The following PRTG variants were observed in gnomAD, a reference collection of about 807,000 sequenced individuals.
PRTG encodes the protein protogenin, also known as immunoglobulin superfamily, DCC subclass, member 5.
In PRTG, 67 loss-of-function variants were observed where a neutral mutation model predicts 122.5. That is an observed-to-expected ratio of 0.55 (90% CI 0.45 to 0.67). PRTG has a LOEUF of 0.67. PRTG is among the 30% of genes least tolerant of loss of function. PRTG has a pLI of 0.00. For synonymous variants in PRTG, 554 were observed against 501.1 expected, an observed-to-expected ratio of 1.11 and a Z score of -1.41; for missense variants, 1,435 against 1,415.4, an observed-to-expected ratio of 1.01 and a Z score of -0.22.
Position 55,627,110 on chromosome 15 carries a change from T to A in PRTG, c.2825A>T (p.His942Leu). Residue 942 changes from histidine (H) to leucine (L), a missense_variant, in exon 17 of 20, where the codon CAT (histidine) becomes CTT (leucine). Physicochemically the swap from His to Leu is moderately conservative, Grantham distance 99 (BLOSUM62 -3). Transcript: ENST00000389286. ...GCCAGTCATTGATTTTTGGTCCAGA[T>A]GGTAATATCCTGAATAAACTAGAAG... ...ADAKVYSGYY[H>L]LDQKSMTGIA... The A allele has an allele frequency of 1.2e-6, 2 of 1,603,082 alleles. No homozygotes were observed. The highest frequency in any genetic ancestry group is 1.7e-6 in the Non-Finnish European group (2 of 1,170,722).
chr15:55,732,259 G>A (rs2141885217), intron 2 of PRTG, among the ~76,000 whole-genome samples: 1 of 152,244 alleles, frequency 6.6e-6, no homozygotes, highest in Middle Eastern at 3.4e-3. Flanking sequence ...CACAATCTGG[G>A]CTCACTGCTA....
At chr15:55,717,357 C>T (rs1168215742) in intron 2 of PRTG, among the ~76,000 whole-genome samples, 1 of 152,138 alleles carries the variant, frequency 6.6e-6, no homozygotes, top group Non-Finnish European at 1.5e-5. Flanking sequence ...TTTTAAGAAG[C>T]CTCAGGAAGA....
At chr15:55,730,899 T>C (rs1318209026) in intron 2 of PRTG, among the ~76,000 whole-genome samples, 1 of 152,190 alleles carries the variant, frequency 6.6e-6, no homozygotes, top group Non-Finnish European at 1.5e-5. Context: ...CAGCTTCCTA[T>C]TCCTTATTTG....
At chr15:55,703,249 C>T (rs539205726) in intron 2 of PRTG, among the ~76,000 whole-genome samples, 1 of 152,304 alleles carries the variant, frequency 6.6e-6, no homozygotes, top group South Asian at 2.1e-4. Context: ...CTATGCCACA[C>T]TGATATTTCT....
At chr15:55,709,024 T>C (rs1444796119) in intron 2 of PRTG, among the ~76,000 whole-genome samples, 2 of 151,478 alleles carry the variant, frequency 1.3e-5, no homozygotes, top group Admixed American at 6.6e-5. Flanking sequence ...TGCGTGCATG[T>C]AGTCCCGGCT....
chr15:55,703,533 A>G (rs1458542577), intron 2 of PRTG, among the ~76,000 whole-genome samples: 2 of 152,200 alleles, frequency 1.3e-5, no homozygotes, highest in East Asian at 3.9e-4. Context: ...GTTGGTAGGA[A>G]TTTAAAGAAG....
rs1211773565 is a variant in PRTG, at chr15:55,672,466, G to C, written c.2020C>G (p.Leu674Val). Residue 674 changes from leucine (L) to valine (V), a missense_variant, in exon 11 of 20, where the codon CTC (leucine) becomes GTC (valine). Transcript: ENST00000389286. The stretch of plus-strand genomic sequence containing the variant: ...TCACCTAAGCCACTGAGAGTATAGA[G>C]TAGGTCCTTGGTATCCAAGAAAATG... ...GPIFLDTKDL[L>V]YTLSGLDPRR... 6.2e-7 allele frequency: 1 copy of C among 1,613,818 alleles called. No homozygotes were observed. Among genetic ancestry groups the C allele is most frequent in the African/African-American group, 1.3e-5 (1 of 74,912 alleles).
In PRTG at chr15:55,673,595, T is replaced by G. The variant is rs757039143; in HGVS notation, c.1628A>C (p.Lys543Thr). The G allele has an allele frequency of 1.2e-6, 2 of 1,614,076 alleles. No individual in the cohort carries two copies. Among genetic ancestry groups the G allele is most frequent in the Non-Finnish European group, 1.7e-6 (2 of 1,180,042 alleles). Reference sequence around the variant, plus strand: ...CAGCACCACTTGGCCCCGCCGATATTTGGCTGGGATTGGCAGCCAGGAGAT... The same window carrying G: ...CAGCACCACTTGGCCCCGCCGATATGTGGCTGGGATTGGCAGCCAGGAGAT... ...ILISWLPIPA[K>T]YRRGQVVLYR... The change falls in exon 10 of 20, where the codon AAA (lysine) becomes ACA (threonine). Residue 543 changes from lysine (K) to threonine (T), a missense_variant. Lys to Thr is a moderately conservative substitution (Grantham distance 78). Coordinates refer to ENST00000389286, the MANE Select transcript of PRTG (RefSeq NM_173814.6).
chr15:55,691,594 T>A (rs1161088100), intron 2 of PRTG, among the ~76,000 whole-genome samples: 1 of 149,804 alleles, frequency 6.7e-6, no homozygotes, highest in Non-Finnish European at 1.5e-5. Context: ...GGCAGAAGAA[T>A]CGCCTGAACC....
chr15:55,708,308 T>G (rs1377029292), intron 2 of PRTG, among the ~76,000 whole-genome samples: 1 of 151,678 alleles, frequency 6.6e-6, no homozygotes, highest in African/African-American at 2.4e-5. Context: ...GAATGAATGG[T>G]GCAAATAAAG....
chr15:55,629,635 C>T (rs552000064), intron 15 of PRTG, among the ~76,000 whole-genome samples: 10 of 152,054 alleles, frequency 6.6e-5, no homozygotes, highest in South Asian at 2.1e-4. Context: ...GTTGGGACTA[C>T]GGGCCCACTC....
chr15:55,705,018 T>A (rs1422093222), intron 2 of PRTG, among the ~76,000 whole-genome samples: 2 of 152,228 alleles, frequency 1.3e-5, no homozygotes, highest in African/African-American at 4.8e-5. Flanking sequence ...CTATATATCA[T>A]ATGTACATTA....
At chr15:55,645,375 A>C (rs1431778268) in intron 11 of PRTG, among the ~76,000 whole-genome samples, 2 of 126,334 alleles carry the variant, frequency 1.6e-5, no homozygotes, top group Admixed American at 9.5e-5. Context: ...CGGAGCTTGC[A>C]GTGAGTCGAG....
intron 2 of PRTG, among the ~76,000 whole-genome samples, chr15:55,693,316 C>A (rs902757913): frequency 6.6e-6 from 1 of 152,066 alleles, no homozygotes; most frequent in Admixed American, 6.5e-5. Flanking sequence ...ATCAGCCGGG[C>A]GTGGCGGCGC....
At chr15:55,641,804 C>G (rs971135802) in intron 11 of PRTG, among the ~76,000 whole-genome samples, 1 of 152,190 alleles carries the variant, frequency 6.6e-6, no homozygotes, top group Admixed American at 6.5e-5. Flanking sequence ...GGAGCTCCCT[C>G]TACTGGTGTT....
At chr15:55,711,355 A>T (rs577805550) in intron 2 of PRTG, among the ~76,000 whole-genome samples, 1 of 152,216 alleles carries the variant, frequency 6.6e-6, no homozygotes, top group South Asian at 2.1e-4. Context: ...TACACAGCTG[A>T]TCCTTGACCT....
intron 4 of PRTG, among the ~76,000 whole-genome samples, chr15:55,681,929 T>A (rs949836600): frequency 9.9e-5 from 15 of 152,100 alleles, no homozygotes; most frequent in African/African-American, 2.7e-4. Flanking sequence ...AATATTTTTT[T>A]AAAAAATAAA....
At chr15:55,705,741 TCCTA>T (rs766126870) in intron 2 of PRTG, among the ~76,000 whole-genome samples, 12 of 152,084 alleles carry the variant, frequency 7.9e-5, no homozygotes, top group Non-Finnish European at 1.8e-4. Flanking sequence ...GTGCTCAGTC[TCCTA>T]CCTATTTCTG....
At position 55,709,837 on chromosome 15, in the gene PRTG, G is replaced by A. The variant is rs75937042; in HGVS notation, c.398-25906C>T. On this transcript the variant is annotated intron_variant, in intron 2 of 19. Coordinates refer to ENST00000389286, the MANE Select transcript of PRTG (RefSeq NM_173814.6). ...CTATAGTGACAGAAAGCAGATCAGT[G>A]GTTGCCTGGCGATGGGGAGGAGGGA... Among the ~76,000 whole-genome samples, 61 of 152,274 alleles carry A rather than the reference G, an allele frequency of 4.0e-4. 2 individuals carry two copies. The East Asian group carries it at 0.012, about 29-fold the overall frequency.
Sources: allele counts gnomAD v4.1 joint callset (sites outside exome capture counted in the v4.1 genomes callset), GRCh38; gene constraint gnomAD v4.1.1; transcripts MANE v1.5; gene names NCBI Gene and HGNC (gene_info 2026-07-23, HGNC 2026-07-21).